TMCC3: variants seen among roughly 807,000 people sequenced by gnomAD.
TMCC3 encodes transmembrane and coiled-coil domain protein 3.
Under a neutral mutation model 40.2 loss-of-function variants are expected in TMCC3, and 28 were observed. The observed-to-expected ratio is 0.70, with a 90% CI of 0.52 to 0.95. The LOEUF (loss-of-function observed/expected upper bound fraction) is 0.95, where lower values mean the gene tolerates loss of function less well. Among genes scored for constraint, TMCC3 ranks in the 40% least tolerant of loss-of-function variants. The pLI is 0.00. For synonymous variants in TMCC3, 255 were observed against 248.5 expected (o/e 1.03, Z -0.25); for missense variants, 554 against 615.2 (o/e 0.90, Z 1.05).
At chr12:94,578,165 A>AG (rs2068577905) in intron 3 of TMCC3, among the ~76,000 whole-genome samples, 1 of 123,370 alleles carries the variant, frequency 8.1e-6, no homozygotes. Flanking sequence ...AAAAAAAAAA[A>AG]AAAGAAAAAG....
At chr12:94,634,038 C>T (rs1042597203) in intron 1 of TMCC3, among the ~76,000 whole-genome samples, 20 of 151,952 alleles carry the variant, frequency 1.3e-4, no homozygotes, top group African/African-American at 4.3e-4. Flanking sequence ...CTCCGCCTCC[C>T]GGGTTCAAAC....
In TMCC3 at chr12:94,569,341, G is replaced by A. The variant is rs1270107186; in HGVS notation, c.*2094C>T. ...TGGCCATCGAAATACAAAAGCTAAA[G>A]GAAGCACAACATTCTCTCTGCCTCC... On this transcript the variant is annotated 3_prime_UTR_variant, in exon 4 of 4. Transcript: ENST00000261226. The A allele has an allele frequency of 6.6e-6, 1 of 152,398 alleles. No homozygotes were observed. The highest frequency in any genetic ancestry group is 6.5e-5 in the Admixed American group (1 of 15,276). 9.4% of individuals were successfully genotyped at this position (152,398 alleles called of 1,614,324 possible).
intron 1 of TMCC3, among the ~76,000 whole-genome samples, chr12:94,608,172 T>C (rs2068794445): frequency 1.3e-5 from 2 of 152,202 alleles, no homozygotes; most frequent in Admixed American, 6.5e-5. Flanking sequence ...GGACACATCC[T>C]TCAAAGGAAT....
At chr12:94,587,210 A>C (rs770201159) in intron 1 of TMCC3, among the ~76,000 whole-genome samples, 6 of 152,246 alleles carry the variant, frequency 3.9e-5, no homozygotes, top group Non-Finnish European at 7.3e-5. Context: ...CTGGTTATCT[A>C]GACTCAGTGT....
In TMCC3 at chr12:94,575,485, G is replaced by T. The variant is rs2068558320; in HGVS notation, c.1131+2909C>A. Among the ~76,000 whole-genome samples the T allele has an allele frequency of 2.0e-5, 3 of 152,278 alleles. No individual in the cohort carries two copies. In the South Asian group the frequency reaches 6.2e-4, roughly 32 times the overall value. On this transcript the variant is annotated intron_variant, in intron 3 of 3. Coordinates refer to ENST00000261226, the MANE Select transcript of TMCC3 (RefSeq NM_020698.4). ...ACTCATCCAGGGTCACACAGCATAG[G>T]TGAGGAGGGCCAGGATTCTAACCAA...
rs763442650 is a variant in TMCC3, at chr12:94,571,684, T to C, written c.1185A>G (p.Gln395=). The C allele has an allele frequency of 3.1e-6, 5 of 1,614,188 alleles. No homozygotes were observed. The highest frequency in any genetic ancestry group is 4.2e-6 in the Non-Finnish European group (5 of 1,180,036). The change falls in exon 4 of 4, where the codon CAA becomes CAG. Residue 395 remains glutamine (Q), a synonymous_variant. Coordinates refer to ENST00000261226, the MANE Select transcript of TMCC3 (RefSeq NM_020698.4). ...TRISKLELHQ[Q]EQQALQTDTV... ...TGTCTGTCTGCAGAGCTTGCTGCTC[T>C]TGCTGGTGGAGCTCCAGCTTAGAAA...
intron 1 of TMCC3, among the ~76,000 whole-genome samples, chr12:94,584,040 CA>C (rs1417410099): frequency 6.6e-6 from 1 of 151,694 alleles, no homozygotes; most frequent in Non-Finnish European, 1.5e-5. Context: ...AGTGGGCTGA[CA>C]GCAAAAAAAT....
chr12:94,606,353 T>G (rs955283751), intron 1 of TMCC3, among the ~76,000 whole-genome samples: 3 of 147,230 alleles, frequency 2.0e-5, no homozygotes, highest in Non-Finnish European at 4.5e-5. Context: ...GGAAAGGAGG[T>G]GAACTTTTTT....
At chr12:94,633,956 T>A (rs985293018) in intron 1 of TMCC3, among the ~76,000 whole-genome samples, 21 of 151,602 alleles carry the variant, frequency 1.4e-4, no homozygotes, top group South Asian at 2.1e-4. Context: ...TTTATTTTTT[T>A]TTTTTTTGAG....
intron 1 of TMCC3, among the ~76,000 whole-genome samples, chr12:94,620,844 G>A (rs1391483320): frequency 6.6e-6 from 1 of 152,184 alleles, no homozygotes; most frequent in African/African-American, 2.4e-5. Context: ...TTTATGTGTT[G>A]CTGACTCTTC....
chr12:94,574,000 T>C (rs1003446179), intron 3 of TMCC3, among the ~76,000 whole-genome samples: 3 of 152,204 alleles, frequency 2.0e-5, no homozygotes, highest in Non-Finnish European at 4.4e-5. Flanking sequence ...TTGCATTTGC[T>C]GTCCTCTCCA....
intron 3 of TMCC3, among the ~76,000 whole-genome samples, chr12:94,572,309 T>TTTTTC (rs1426691098): frequency 5.9e-5 from 4 of 67,544 alleles, no homozygotes; most frequent in East Asian, 5.3e-4. Context: ...ACTTCATCTT[T>TTTTTC]TTTTTTTTTT....
chr12:94,591,054 GA>G, intron 1 of TMCC3: 2 of 529,954 alleles, frequency 3.8e-6, no homozygotes, highest in South Asian at 2.9e-5. Flanking sequence ...ATAAATCAAG[GA>G]AACAGAATAT....
intron 1 of TMCC3, among the ~76,000 whole-genome samples, chr12:94,631,313 G>C (rs1332235805): frequency 6.6e-6 from 1 of 152,092 alleles, no homozygotes; most frequent in Non-Finnish European, 1.5e-5. Context: ...AATTCATACT[G>C]AAATCCTAAC....
intron 1 of TMCC3, among the ~76,000 whole-genome samples, chr12:94,617,922 C>T (rs2138865726): frequency 6.6e-6 from 1 of 152,252 alleles, no homozygotes; most frequent in South Asian, 2.1e-4. Flanking sequence ...ATTGCATAGC[C>T]TCTATCCTCT....
chr12:94,568,731 GT>G lies in TMCC3; in HGVS notation c.*2703del, dbSNP rs1566309870. 1 of 152,150 alleles carries G rather than the reference GT, an allele frequency of 6.6e-6. No homozygotes were observed. Among genetic ancestry groups the G allele is most frequent in the African/African-American group, 2.4e-5 (1 of 41,428 alleles). The allele number at this position is 152,150 out of a possible 1,614,324, so 9.4% of individuals were successfully genotyped here. On this transcript the variant is annotated 3_prime_UTR_variant, in exon 4 of 4. Transcript: ENST00000261226. ...GTATCATCTTATTAAAAAGTACAAAGTTTCATGAACTTTCAACAAGACTGCA... is the reference window on the plus strand; with the variant it reads ...GTATCATCTTATTAAAAAGTACAAAGTTCATGAACTTTCAACAAGACTGCA...
intron 1 of TMCC3, among the ~76,000 whole-genome samples, chr12:94,631,254 T>C (rs1387676995): frequency 1.3e-5 from 2 of 152,030 alleles, no homozygotes; most frequent in African/African-American, 2.4e-5. Context: ...CACACACACA[T>C]CAAATCCACA....
intron 1 of TMCC3, among the ~76,000 whole-genome samples, chr12:94,585,716 T>C (rs1026554207): frequency 2.1e-5 from 3 of 144,160 alleles, no homozygotes; most frequent in Non-Finnish European, 4.5e-5. Flanking sequence ...AAAACCCATT[T>C]CAAATGCCCC....
intron 1 of TMCC3, among the ~76,000 whole-genome samples, chr12:94,648,048 C>T (rs527410152): frequency 6.6e-6 from 1 of 152,246 alleles, no homozygotes; most frequent in African/African-American, 2.4e-5. Flanking sequence ...GAAGTTCTAG[C>T]CCTTCTCTGA....
Sources: allele counts gnomAD v4.1 joint callset (sites outside exome capture counted in the v4.1 genomes callset), GRCh38; gene constraint gnomAD v4.1.1; transcripts MANE v1.5; gene names NCBI Gene and HGNC (gene_info 2026-07-23, HGNC 2026-07-21).